KLF12: variants seen among roughly 807,000 people sequenced by gnomAD.
KLF12 encodes Krueppel-like factor 12.
KLF12 carries 9 observed loss-of-function variants against 37.8 expected under a neutral mutation model. The observed-to-expected ratio is 0.24, with a 90% confidence interval of 0.14 to 0.42. The LOEUF is 0.42. KLF12 is among the 10% of genes least tolerant of loss of function. The probability of loss-of-function intolerance (pLI) is 1.00; values close to 1 mark genes in which losing one functional copy is unlikely to be tolerated. For synonymous variants in KLF12, 208 were observed against 202.1 expected (o/e 1.03, Z -0.25); for missense variants, 411 against 516.0 (o/e 0.80, Z 1.97).
intron 1 of KLF12, among the ~76,000 whole-genome samples, chr13:74,011,015 T>C (rs187535887): frequency 3.9e-5 from 6 of 152,214 alleles, no homozygotes; most frequent in Non-Finnish European, 8.8e-5. Context: ...AATTAGACTT[T>C]GATTTTCAGT....
chr13:74,089,818 A>C (rs921260381), intron 1 of KLF12, among the ~76,000 whole-genome samples: 1 of 151,564 alleles, frequency 6.6e-6, no homozygotes, highest in African/African-American at 2.4e-5. Flanking sequence ...AAAAAAAAAA[A>C]AAAACAACCA....
At chr13:74,179,840 G>A in the KLF12 span, among the ~76,000 whole-genome samples, 20 of 152,192 alleles carry the variant, frequency 1.3e-4, no homozygotes, top group Admixed American at 2.6e-4. Flanking sequence ...ACAACAACCC[G>A]TACTTTCCAA....
the KLF12 span, among the ~76,000 whole-genome samples, chr13:74,277,442 G>A: frequency 1.3e-5 from 2 of 152,058 alleles, no homozygotes. Flanking sequence ...ATTCCCTTCT[G>A]TATTATTCAG....
rs533755280 is a variant in KLF12 at position 73,744,954 on chromosome 13, C to T, written c.869+19984G>A. 3.1e-4 allele frequency among the ~76,000 whole-genome samples: 47 copies of T among 152,306 alleles called. 2 individuals carry two copies. In the South Asian group the frequency reaches 9.5e-3, roughly 31 times the overall value. ...GTTAAATTCTGAGGCCATGGTTGCACTTTCTAGTTCTACAGAGCCTTCTAG... is the reference window on the plus strand; with the variant it reads ...GTTAAATTCTGAGGCCATGGTTGCATTTTCTAGTTCTACAGAGCCTTCTAG... On this transcript the variant is annotated intron_variant, in intron 6 of 7. Transcript: ENST00000377669.
the KLF12 span, among the ~76,000 whole-genome samples, chr13:74,289,565 C>T: frequency 6.6e-6 from 1 of 152,182 alleles, no homozygotes; most frequent in African/African-American, 2.4e-5. Context: ...TTTGTCATTT[C>T]CATCATTTTA....
chr13:74,274,239 T>C, the KLF12 span, among the ~76,000 whole-genome samples: 1 of 152,128 alleles, frequency 6.6e-6, no homozygotes, highest in African/African-American at 2.4e-5. Flanking sequence ...TTAGTGAAGA[T>C]GCAATACAAC....
the KLF12 span, among the ~76,000 whole-genome samples, chr13:74,202,061 C>T: frequency 6.6e-6 from 1 of 152,068 alleles, no homozygotes; most frequent in African/African-American, 2.4e-5. Flanking sequence ...TTTCTTATTT[C>T]TTTATCTCCA....
At chr13:74,060,375 C>T (rs1010347086) in intron 1 of KLF12, among the ~76,000 whole-genome samples, 2 of 151,940 alleles carry the variant, frequency 1.3e-5, no homozygotes, top group African/African-American at 4.8e-5. Context: ...AATATTGATG[C>T]TTCCAATCCA....
At chr13:74,007,276 TA>T (rs1285747721) in intron 1 of KLF12, among the ~76,000 whole-genome samples, 18 of 151,626 alleles carry the variant, frequency 1.2e-4, no homozygotes, top group African/African-American at 4.1e-4. Context: ...AAGACAAGGA[TA>T]TTTTTATTTT....
At chr13:73,997,541 C>A (rs556609686) in intron 1 of KLF12, among the ~76,000 whole-genome samples, 1 of 152,204 alleles carries the variant, frequency 6.6e-6, no homozygotes, top group South Asian at 2.1e-4. Context: ...TGCTAAGGGG[C>A]CTTTAGTTTT....
chr13:74,104,129 C>G (rs1405244807), intron 1 of KLF12, among the ~76,000 whole-genome samples: 1 of 152,074 alleles, frequency 6.6e-6, no homozygotes, highest in Non-Finnish European at 1.5e-5. Flanking sequence ...AGGAAGTATC[C>G]CAGATAAGGT....
chr13:74,134,765 A>G (rs1404402930), upstream of KLF12, among the ~76,000 whole-genome samples: 1 of 151,848 alleles, frequency 6.6e-6, no homozygotes, highest in African/African-American at 2.4e-5. Flanking sequence ...CTTTTGTGTC[A>G]GAGCGCGCCA....
At chr13:74,296,736 C>T in the KLF12 span, among the ~76,000 whole-genome samples, 1 of 152,100 alleles carries the variant, frequency 6.6e-6, no homozygotes, top group Admixed American at 6.6e-5. Flanking sequence ...ATTTTCTTGA[C>T]CAAATCACAT....
At chr13:74,136,456 C>T (rs1433557390), upstream of KLF12, among the ~76,000 whole-genome samples, 2 of 152,146 alleles carry the variant, frequency 1.3e-5, no homozygotes, top group Non-Finnish European at 2.9e-5. Flanking sequence ...TGAAGTTTCC[C>T]TCTAGGTGGG....
At chr13:74,047,794 C>G (rs7993206) in intron 1 of KLF12, among the ~76,000 whole-genome samples, 122,952 of 152,150 alleles carry the variant, frequency 0.81, 49,829 homozygotes, top group East Asian at 0.91. Context: ...TCACCTCTTA[C>G]GTGTCCCATT....
At chr13:74,051,954 T>C (rs941725374) in intron 1 of KLF12, among the ~76,000 whole-genome samples, 3 of 152,088 alleles carry the variant, frequency 2.0e-5, no homozygotes, top group Non-Finnish European at 4.4e-5. Context: ...AATTTGATCA[T>C]TACACATTGT....
the KLF12 span, among the ~76,000 whole-genome samples, chr13:74,221,756 A>G: frequency 6.6e-6 from 1 of 152,318 alleles, no homozygotes; most frequent in African/African-American, 2.4e-5. Flanking sequence ...ATCTGCTACC[A>G]TCACCTGAGG....
chr13:74,114,727 T>C (rs1290796319), intron 1 of KLF12, among the ~76,000 whole-genome samples: 2 of 152,186 alleles, frequency 1.3e-5, no homozygotes, highest in South Asian at 4.1e-4. Flanking sequence ...TACTTGAAAA[T>C]ACTGAAGTTT....
intron 2 of KLF12, among the ~76,000 whole-genome samples, chr13:73,951,265 C>T (rs1158094663): frequency 6.6e-6 from 1 of 152,096 alleles, no homozygotes; most frequent in Non-Finnish European, 1.5e-5. Flanking sequence ...AGTCACTGTT[C>T]CAGTTATTTA....
Sources: allele counts gnomAD v4.1 joint callset (sites outside exome capture counted in the v4.1 genomes callset), GRCh38; gene constraint gnomAD v4.1.1; transcripts MANE v1.5; gene names NCBI Gene and HGNC (gene_info 2026-07-23, HGNC 2026-07-21).